Variants in LRMDA observed in about 807,000 individuals in gnomAD.
LRMDA encodes leucine rich melanocyte differentiation associated, also known as leucine-rich melanocyte differentiation-associated protein.
A neutral mutation model predicts 29.8 loss-of-function variants in LRMDA; 18 were observed. The observed-to-expected ratio is 0.60, with a 90% CI of 0.42 to 0.90. LRMDA has a LOEUF of 0.90. Ranked by LOEUF, LRMDA falls within the 40% of genes least tolerant of loss-of-function variation. The probability of loss-of-function intolerance (pLI) is 0.00; values close to 1 mark genes in which losing one functional copy is unlikely to be tolerated. For synonymous variants in LRMDA, 125 were observed against 109.4 expected (o/e 1.14, Z -0.89); for missense variants, 273 against 273.9 (o/e 1.00, Z 0.02).
intron 6 of LRMDA, among the ~76,000 whole-genome samples, chr10:76,538,555 TACAC>T (rs57625591): frequency 4.2e-5 from 6 of 141,474 alleles, no homozygotes; most frequent in African/African-American, 1.4e-4. Flanking sequence ...TATATATATA[TACAC>T]ACACACACAC....
intron 5 of LRMDA, among the ~76,000 whole-genome samples, chr10:76,134,914 T>C (rs1421470415): frequency 6.6e-6 from 1 of 152,054 alleles, no homozygotes; most frequent in African/African-American, 2.4e-5. Flanking sequence ...AGAAAAGAAA[T>C]AGCTCCACAT....
chr10:76,150,364 C>T (rs1850416767), intron 5 of LRMDA, among the ~76,000 whole-genome samples: 1 of 152,192 alleles, frequency 6.6e-6, no homozygotes, highest in Non-Finnish European at 1.5e-5. Flanking sequence ...AGCCCCACCT[C>T]ACAAAGGGGG....
intron 2 of LRMDA, among the ~76,000 whole-genome samples, chr10:75,971,621 T>C (rs1846972861): frequency 6.6e-6 from 1 of 152,230 alleles, no homozygotes; most frequent in Non-Finnish European, 1.5e-5. Context: ...ATGGGGTTTC[T>C]TATTCTGGCC....
chr10:76,294,235 A>T (rs944574512), intron 5 of LRMDA, among the ~76,000 whole-genome samples: 2 of 152,188 alleles, frequency 1.3e-5, no homozygotes, highest in Non-Finnish European at 2.9e-5. Context: ...CAATAGGTTC[A>T]CTTGGATAGT....
chr10:75,735,450 A>T (rs1842750362), intron 2 of LRMDA, among the ~76,000 whole-genome samples: 1 of 152,140 alleles, frequency 6.6e-6, no homozygotes, highest in African/African-American at 2.4e-5. Flanking sequence ...TGCTCCCATG[A>T]AAAACAAACT....
At chr10:76,269,369 T>C (rs1383126225) in intron 5 of LRMDA, among the ~76,000 whole-genome samples, 1 of 152,170 alleles carries the variant, frequency 6.6e-6, no homozygotes, top group African/African-American at 2.4e-5. Context: ...AATGGGAACT[T>C]TGCTTTCTCC....
chr10:75,446,699 C>T (rs1018072594), intron 2 of LRMDA, among the ~76,000 whole-genome samples: 1 of 152,188 alleles, frequency 6.6e-6, no homozygotes, highest in African/African-American at 2.4e-5. Context: ...GCAGCATAAC[C>T]TAGCCTATCC....
chr10:76,480,017 CT>C (rs1322291495), intron 6 of LRMDA, among the ~76,000 whole-genome samples: 1 of 151,948 alleles, frequency 6.6e-6, no homozygotes, highest in Non-Finnish European at 1.5e-5. Context: ...GAGCATTTTA[CT>C]TACATTATTT....
At chr10:76,045,674 G>A (rs1272594915) in intron 3 of LRMDA, among the ~76,000 whole-genome samples, 1 of 152,100 alleles carries the variant, frequency 6.6e-6, no homozygotes, top group Non-Finnish European at 1.5e-5. Context: ...AATATCTGAA[G>A]CTTCATCATG....
chr10:76,150,469 C>T (rs948149363), intron 5 of LRMDA, among the ~76,000 whole-genome samples: 2 of 152,212 alleles, frequency 1.3e-5, no homozygotes, highest in Admixed American at 6.5e-5. Context: ...CAGGAAACTC[C>T]CTCAGCAATG....
At chr10:75,634,667 G>A (rs1841369128) in intron 2 of LRMDA, among the ~76,000 whole-genome samples, 1 of 152,178 alleles carries the variant, frequency 6.6e-6, no homozygotes, top group Non-Finnish European at 1.5e-5. Context: ...ATGAAAAGGA[G>A]GAGATAAACA....
At chr10:75,986,304 C>T (rs929738421) in intron 2 of LRMDA, among the ~76,000 whole-genome samples, 5 of 152,200 alleles carry the variant, frequency 3.3e-5, no homozygotes, top group African/African-American at 1.2e-4. Flanking sequence ...TATTTTCTTC[C>T]TCCAGGACTA....
At chr10:76,430,612 C>T (rs1192457600) in intron 6 of LRMDA, among the ~76,000 whole-genome samples, 1 of 152,138 alleles carries the variant, frequency 6.6e-6, no homozygotes, top group African/African-American at 2.4e-5. Context: ...TCTACTGTTT[C>T]CTCCTAGGGA....
intron 2 of LRMDA, among the ~76,000 whole-genome samples, chr10:75,542,852 G>A (rs191335659): frequency 1.3e-5 from 2 of 152,270 alleles, no homozygotes; most frequent in Admixed American, 1.3e-4. Context: ...CCCATTGCAG[G>A]CCCTTCGGAA....
At chr10:76,479,717 G>T (rs903474419) in intron 6 of LRMDA, among the ~76,000 whole-genome samples, 6 of 152,016 alleles carry the variant, frequency 3.9e-5, no homozygotes, top group Middle Eastern at 3.4e-3. Context: ...CAAAAAATTT[G>T]CTTTGATTTA....
At chr10:75,790,005 C>A (rs1450669628) in intron 2 of LRMDA, among the ~76,000 whole-genome samples, 1 of 152,070 alleles carries the variant, frequency 6.6e-6, no homozygotes, top group African/African-American at 2.4e-5. Flanking sequence ...TAGCACAGAA[C>A]TTTGAGCAGG....
chr10:76,057,294 GA>G (rs1249550369), intron 4 of LRMDA, among the ~76,000 whole-genome samples: 2 of 152,114 alleles, frequency 1.3e-5, no homozygotes, highest in Non-Finnish European at 1.5e-5. Flanking sequence ...GTTACACTGA[GA>G]ACACCTTTGA....
At chr10:75,682,836 G>T (rs2132153942) in intron 2 of LRMDA, among the ~76,000 whole-genome samples, 1 of 152,256 alleles carries the variant, frequency 6.6e-6, no homozygotes, top group South Asian at 2.1e-4. Flanking sequence ...AGACTGGCCT[G>T]TTAAAAGTGG....
At chr10:76,506,037 C>T (rs112788054) in intron 6 of LRMDA, among the ~76,000 whole-genome samples, 232 of 152,234 alleles carry the variant, frequency 1.5e-3, no homozygotes, top group African/African-American at 5.2e-3. Context: ...AGGAACTGTC[C>T]CTGACATTTG....
Sources: allele counts gnomAD v4.1 joint callset (sites outside exome capture counted in the v4.1 genomes callset), GRCh38; gene constraint gnomAD v4.1.1; transcripts MANE v1.5; gene names NCBI Gene and HGNC (gene_info 2026-07-23, HGNC 2026-07-21).